Variants in PODNL1 observed in about 807,000 individuals in gnomAD.
PODNL1 encodes the protein podocan-like protein 1.
A neutral mutation model predicts 45.1 loss-of-function variants in PODNL1; 50 were observed. The observed-to-expected ratio is 1.11, with a 90% CI of 0.88 to 1.40. PODNL1 has a LOEUF of 1.40. Ranked by LOEUF, PODNL1 falls within the 40% of genes most tolerant of loss-of-function variation. The probability of loss-of-function intolerance (pLI) is 0.00; values close to 1 mark genes in which losing one functional copy is unlikely to be tolerated. For missense variants in PODNL1, 788 were observed against 793.3 expected (o/e 0.99, Z 0.08); for synonymous variants, 406 against 372.5 (o/e 1.09, Z -1.04).
At chr19:13,947,727 T>A (rs1972870081) in intron 1 of PODNL1, among the ~76,000 whole-genome samples, 1 of 152,174 alleles carries the variant, frequency 6.6e-6, no homozygotes, top group South Asian at 2.1e-4. Context: ...GCACTAACAT[T>A]TTGCTAAATA....
At position 13,932,042 on chromosome 19, in the gene PODNL1, T is replaced by TGCAGCTGG; in HGVS notation, c.1495_1496insCCAGCTGC (p.His499ProfsTer36). On this transcript the variant is annotated frameshift_variant, in exon 9 of 10. Coordinates refer to ENST00000588872, the MANE Select transcript of PODNL1 (RefSeq NM_001370095.3). LOFTEE classifies it high-confidence loss of function. ...GTGGCCGATGCGGTTGCCCTCGAGG[T>TGCAGCTGG]GCAGCTCCTCTAGGGCCTCAGGCAG... 1 of 1,232,302 alleles carries TGCAGCTGG rather than the reference T, an allele frequency of 8.1e-7. No individual in the cohort carries two copies. The allele number at this position is 1,232,302 out of a possible 1,614,324, so 76.3% of individuals were successfully genotyped here. A position where few individuals can be genotyped will look rare whatever the true frequency, so the allele number is the denominator to read the frequency against.
At chr19:13,948,302 G>GC (rs1972888386) in intron 1 of PODNL1, among the ~76,000 whole-genome samples, 1 of 149,978 alleles carries the variant, frequency 6.7e-6, no homozygotes, top group South Asian at 2.1e-4. Flanking sequence ...CCAGGTTCAT[G>GC]CCATTCTCCT....
At chr19:13,947,170 GAAAAAA>G (rs758733245) in intron 1 of PODNL1, among the ~76,000 whole-genome samples, 1 of 27,040 alleles carries the variant, frequency 3.7e-5, no homozygotes, top group African/African-American at 1.3e-4. Context: ...CTCCATCTCA[GAAAAAA>G]AAAAAAAAAA....
Position 13,937,951 on chromosome 19 carries a change from AAGCCG to A in PODNL1, c.54_58del (p.Leu20ArgfsTer33). ...CAGGTGGGGGAAGGCAGCGTCTTCC[AAGCCG>A]GCGACGGGCGGGGGCCCCGGCAACA... On this transcript the variant is annotated frameshift_variant, in exon 2 of 10. Transcript: ENST00000588872. LOFTEE classifies it high-confidence loss of function. 6.5e-7 allele frequency: 1 copy of A among 1,544,932 alleles called. No individual in the cohort carries two copies. The highest frequency in any genetic ancestry group is 1.2e-5 in the South Asian group (1 of 84,020).
At position 13,936,420 on chromosome 19, in the gene PODNL1, C is replaced by G. The variant is rs375784922; in HGVS notation, c.266G>C (p.Arg89Pro). Reference sequence around the variant, plus strand: ...GTTGAGGGTTCGCAGGCCACTGAGGCGGGACAGCTCATTGTAGGGGAGTTC... The same window carrying G: ...GTTGAGGGTTCGCAGGCCACTGAGGGGGGACAGCTCATTGTAGGGGAGTTC... Reference protein sequence around the residue: ...LQELPYNELSRLSGLRTLNLH... With the variant: ...LQELPYNELSPLSGLRTLNLH... The change falls in exon 3 of 10, where the codon CGC becomes CCC. Residue 89 changes from arginine to proline, a missense_variant. Physicochemically the swap from Arg to Pro is moderately radical, Grantham distance 103. Around this residue, in one of 3 missense-constraint regions of PODNL1, gnomAD observed 762 missense variants for 750.9 expected, o/e 1.01. Transcript: ENST00000588872. The G allele has an allele frequency of 1.9e-6, 3 of 1,613,498 alleles. No individual in the cohort carries two copies. Among genetic ancestry groups the G allele is most frequent in the East Asian group, 4.5e-5 (2 of 44,864 alleles).
upstream of PODNL1, chr19:13,938,546 A>C: frequency 1.1e-6 from 1 of 950,050 alleles, no homozygotes. Context: ...ATTTGGGACG[A>C]CCGCAGGAGT....
At chr19:13,952,280 C>T (rs1166449579) in intron 1 of PODNL1, among the ~76,000 whole-genome samples, 1 of 152,244 alleles carries the variant, frequency 6.6e-6, no homozygotes, top group Non-Finnish European at 1.5e-5. Context: ...GGCGAACAAA[C>T]GGGACCTCCG....
At chr19:13,946,922 G>A (rs1271504287) in intron 1 of PODNL1, among the ~76,000 whole-genome samples, 5 of 150,500 alleles carry the variant, frequency 3.3e-5, no homozygotes, top group African/African-American at 9.8e-5. Context: ...GTGGTGGTAC[G>A]CACTTGTAGT....
intron 2 of PODNL1, 94 bp downstream of exon 2, chr19:13,937,691 C>T: frequency 8.3e-7 from 1 of 1,205,736 alleles, no homozygotes; most frequent in Non-Finnish European, 1.2e-6. Flanking sequence ...GTTCCTATAC[C>T]CCACCACGCT....
intron 1 of PODNL1, chr19:13,952,512 A>C (rs1973093650): frequency 8.0e-7 from 1 of 1,248,832 alleles, no homozygotes; most frequent in Non-Finnish European, 1.0e-6. Flanking sequence ...AGGGGGTGAA[A>C]ATGGCGCCCA....
chr19:13,933,697 C>A lies in PODNL1; in HGVS notation c.767+181G>T, dbSNP rs972454243. Among the ~76,000 whole-genome samples the A allele has an allele frequency of 1.3e-5, 2 of 152,072 alleles. No homozygotes were observed. Among genetic ancestry groups the A allele is most frequent in the Non-Finnish European group, 2.9e-5 (2 of 68,014 alleles). On this transcript the variant is annotated intron_variant, in intron 7 of 9. Coordinates refer to ENST00000588872, the MANE Select transcript of PODNL1 (RefSeq NM_001370095.3). This position sits in a 1 kb window ranked among gnomAD's most constrained non-coding sequence, Gnocchi z 5.2. ...GAGATGGAAAGGCATGTGAGACTTACGATGTCAGTGCAGGGCTGTGGGGAA... is the reference window on the plus strand; with the variant it reads ...GAGATGGAAAGGCATGTGAGACTTAAGATGTCAGTGCAGGGCTGTGGGGAA...
chr19:13,933,477 G>A lies in PODNL1; in HGVS notation c.768-22C>T, dbSNP rs780431360. 6.5e-6 allele frequency: 10 copies of A among 1,531,940 alleles called. No individual in the cohort carries two copies. Among genetic ancestry groups the A allele is most frequent in the Admixed American group, 1.9e-5 (1 of 51,546 alleles). 94.9% of individuals were successfully genotyped at this position (1,531,940 alleles called of 1,614,324 possible). On this transcript the variant is annotated intron_variant, in intron 7 of 9. Coordinates refer to ENST00000588872, the MANE Select transcript of PODNL1 (RefSeq NM_001370095.3). The surrounding 1 kb of genome is among the most constrained non-coding windows in gnomAD (Gnocchi z 5.2). Reference sequence around the variant, plus strand: ...CTTGCTGGAAGGAGAGAGGGTCGGTGTTAGGTGGGGCACTTGGAGTGGGGT... The same window carrying A: ...CTTGCTGGAAGGAGAGAGGGTCGGTATTAGGTGGGGCACTTGGAGTGGGGT...
chr19:13,951,318 A>C (rs891151348), intron 1 of PODNL1, among the ~76,000 whole-genome samples: 2 of 151,864 alleles, frequency 1.3e-5, no homozygotes, highest in Non-Finnish European at 2.9e-5. Context: ...ATAAAAAAAA[A>C]CTATCTTCTA....
rs201807277 is a variant in PODNL1, at chr19:13,947,862, TTTA to T, written c.18+5254_18+5256del. Among the ~76,000 whole-genome samples, 558 of 152,296 alleles carry T rather than the reference TTTA, an allele frequency of 3.7e-3. 5 individuals are homozygous for T. The highest frequency in any genetic ancestry group is 0.013 in the African/African-American group (528 of 41,564). The stretch of plus-strand genomic sequence containing the variant: ...CTTTTCTCCATTTTCTTTCTTTATT[TTTA>T]TTATTATTTCTGAGACAGCGTCTCA... On this transcript the variant is annotated intron_variant, in intron 1 of 7. Coordinates refer to the PODNL1 transcript ENST00000538371.
At chr19:13,947,772 C>T (rs1972870989) in intron 1 of PODNL1, among the ~76,000 whole-genome samples, 3 of 152,358 alleles carry the variant, frequency 2.0e-5, no homozygotes, top group African/African-American at 4.8e-5. Context: ...ATTAACTTCT[C>T]TCTCCTTGCC....
chr19:13,934,025 T>G (rs545154600), intron 6 of PODNL1, 32 bp from the exon 7 acceptor site: 1 of 1,561,620 alleles, frequency 6.4e-7, no homozygotes, highest in Admixed American at 1.9e-5. Flanking sequence ...GAGACTTGAG[T>G]CTGGGATGAG....
intron 8 of PODNL1, 121 bp downstream of exon 8, chr19:13,932,677 C>G: frequency 6.3e-7 from 1 of 1,583,746 alleles, no homozygotes; most frequent in Non-Finnish European, 8.6e-7. Flanking sequence ...TTCTAACCCA[C>G]TCTTATCATT....
chr19:13,935,818 G>A lies in PODNL1; in HGVS notation c.397C>T (p.Pro133Ser), dbSNP rs145828342. 1.3e-5 allele frequency: 21 copies of A among 1,602,520 alleles called. No homozygotes were observed. Among genetic ancestry groups the A allele is most frequent in the Non-Finnish European group, 1.8e-5 (21 of 1,176,560 alleles). ...CVAHNKLSVA[P>S]QFLPRSLRVA... ...CGGAGGGACCGGGGCAGAAACTGAG[G>A]GGCCACTGAGAGCTGTGGGGACACA... Residue 133 changes from proline (P) to serine (S), a missense_variant, in exon 5 of 10, where the codon CCT (proline) becomes TCT (serine). Physicochemically the swap from Pro to Ser is moderately conservative, Grantham distance 74 (BLOSUM62 -1). Around this residue, in one of 3 missense-constraint regions of PODNL1, gnomAD observed 762 missense variants for 750.9 expected, o/e 1.01. Coordinates refer to ENST00000588872, the MANE Select transcript of PODNL1 (RefSeq NM_001370095.3).
intron 6 of PODNL1, 74 bp downstream of exon 6, chr19:13,934,180 C>T (rs1972159253): frequency 6.9e-7 from 1 of 1,445,700 alleles, no homozygotes; most frequent in Non-Finnish European, 9.2e-7. Context: ...GAATGGAAAG[C>T]TAGGAACTGG....
Sources: allele counts gnomAD v4.1 joint callset (sites outside exome capture counted in the v4.1 genomes callset), GRCh38; gene constraint gnomAD v4.1.1; regional missense constraint gnomAD v4.1.1; non-coding constraint Gnocchi (gnomAD v3.1); transcripts MANE v1.5; gene names NCBI Gene and HGNC (gene_info 2026-07-23, HGNC 2026-07-21).